ASTN2: variants seen among roughly 807,000 people sequenced by gnomAD.
ASTN2 encodes the protein astrotactin-2.
ASTN2 carries 54 observed loss-of-function variants against 139.8 expected under a neutral mutation model. That is an observed-to-expected ratio of 0.39 (90% CI 0.31 to 0.48). The LOEUF is 0.48. Ranked by LOEUF, ASTN2 falls within the 20% of genes least tolerant of loss-of-function variation. The pLI, the probability that ASTN2 is intolerant of heterozygous loss-of-function variation, is 0.95. For missense variants in ASTN2, 1,565 were observed against 1,725.1 expected, an observed-to-expected ratio of 0.91 and a Z score of 1.64; for synonymous variants, 756 against 719.5, an observed-to-expected ratio of 1.05 and a Z score of -0.81.
At chr9:117,205,102 A>T (rs1831872242) in intron 3 of ASTN2, among the ~76,000 whole-genome samples, 1 of 152,222 alleles carries the variant, frequency 6.6e-6, no homozygotes, top group South Asian at 2.1e-4. Flanking sequence ...GATAAATAAC[A>T]TTTGAGAAGG....
chr9:117,178,463 C>T (rs1830972577), intron 3 of ASTN2, among the ~76,000 whole-genome samples: 1 of 152,132 alleles, frequency 6.6e-6, no homozygotes, highest in Non-Finnish European at 1.5e-5. Flanking sequence ...ATTGGTTTCA[C>T]CCTCAAGCAC....
rs373227100 is a variant in ASTN2, at chr9:116,446,255, GGAGAGAGA to G, written c.3498-3710_3498-3703del. Among the ~76,000 whole-genome samples, 163 of 114,028 alleles carry G rather than the reference GGAGAGAGA, an allele frequency of 1.4e-3. 2 individuals carry two copies. Among genetic ancestry groups the G allele is most frequent in the Admixed American group, 0.012 (125 of 10,280 alleles). The allele number at this position is 114,028 out of a possible 152,430, so 74.8% of individuals were successfully genotyped here. A position where few individuals can be genotyped will look rare whatever the true frequency, so the allele number is the denominator to read the frequency against. On this transcript the variant is annotated intron_variant, in intron 20 of 22. Coordinates refer to ENST00000313400, the MANE Select transcript of ASTN2 (RefSeq NM_001365068.1). ...ACAGAGACAGAGACAGAGGGGAGAG[GGAGAGAGA>G]GAGAGAGATAGAGAGAGAGAGAGAG...
intron 13 of ASTN2, among the ~76,000 whole-genome samples, chr9:116,775,126 A>ACTAT (rs1393778267): frequency 2.0e-5 from 3 of 152,102 alleles, no homozygotes; most frequent in Non-Finnish European, 4.4e-5. Context: ...GTCGGAAAAG[A>ACTAT]CTATCTGTTA....
At chr9:116,703,729 T>TAAAA (rs33973593) in intron 16 of ASTN2, among the ~76,000 whole-genome samples, 14 of 145,746 alleles carry the variant, frequency 9.6e-5, no homozygotes, top group African/African-American at 2.8e-4. Context: ...AGTATAATAA[T>TAAAA]AAAAAAAAAA....
chr9:116,538,763 A>G (rs1851753994), intron 19 of ASTN2, among the ~76,000 whole-genome samples: 1 of 152,238 alleles, frequency 6.6e-6, no homozygotes, highest in African/African-American at 2.4e-5. Flanking sequence ...TCAACCAGGC[A>G]GCAAATATCA....
intron 1 of ASTN2, among the ~76,000 whole-genome samples, chr9:117,389,137 C>G (rs1032453365): frequency 1.3e-5 from 2 of 152,228 alleles, no homozygotes; most frequent in Admixed American, 6.5e-5. Flanking sequence ...GTCTACATCA[C>G]TCTTCCCTTT....
chr9:116,699,009 G>T lies in ASTN2; in HGVS notation c.2806+26762C>A. 1 of 1,613,954 alleles carries T rather than the reference G, an allele frequency of 6.2e-7. No homozygotes were observed. The highest frequency in any genetic ancestry group is 8.5e-7 in the Non-Finnish European group (1 of 1,179,960). Reference sequence around the variant, plus strand: ...TGATAGCTTTGTGCTAAGCTTCCTTGGGGCAGATCTACCCAACCTCACTCC... The same window carrying T: ...TGATAGCTTTGTGCTAAGCTTCCTTTGGGCAGATCTACCCAACCTCACTCC... On this transcript the variant is annotated intron_variant, in intron 16 of 22. Coordinates refer to ENST00000313400, the MANE Select transcript of ASTN2 (RefSeq NM_001365068.1). The surrounding 1 kb of genome is among the most constrained non-coding windows in gnomAD (Gnocchi z 4.2).
intron 5 of ASTN2, among the ~76,000 whole-genome samples, chr9:117,088,823 C>G (rs902599171): frequency 1.6e-4 from 25 of 152,180 alleles, no homozygotes; most frequent in Admixed American, 1.6e-3. Context: ...GAGAGGGAGA[C>G]AGATGCACCC....
chr9:116,476,158 G>A (rs547162964), intron 20 of ASTN2, among the ~76,000 whole-genome samples: 7 of 152,138 alleles, frequency 4.6e-5, no homozygotes, highest in South Asian at 4.1e-4. Context: ...CGGATGGCCC[G>A]AGGTGTTCCT....
intron 16 of ASTN2, among the ~76,000 whole-genome samples, chr9:116,718,495 C>T (rs773846032): frequency 2.0e-5 from 3 of 152,084 alleles, no homozygotes; most frequent in East Asian, 1.9e-4. Flanking sequence ...TAATTTCATG[C>T]GTTAACTTGG....
intron 8 of ASTN2, 132 bp from the exon 9 acceptor site, chr9:116,976,320 T>C (rs968226259): frequency 1.4e-6 from 1 of 700,290 alleles, no homozygotes; most frequent in African/African-American, 1.8e-5. Flanking sequence ...CAAGACTACT[T>C]ATATTATAAA....
At chr9:116,521,794 G>C (rs1174983712) in intron 19 of ASTN2, among the ~76,000 whole-genome samples, 2 of 128,866 alleles carry the variant, frequency 1.6e-5, no homozygotes, top group Non-Finnish European at 3.2e-5. Flanking sequence ...AAGGAACTCA[G>C]ACTAATCAGC....
chr9:116,515,341 T>C (rs1451599852), intron 19 of ASTN2, among the ~76,000 whole-genome samples: 2 of 152,182 alleles, frequency 1.3e-5, no homozygotes, highest in African/African-American at 4.8e-5. Flanking sequence ...ACGTGAGATC[T>C]AGATGTGAGG....
intron 11 of ASTN2, among the ~76,000 whole-genome samples, chr9:116,843,187 C>T (rs1402886615): frequency 6.6e-6 from 1 of 152,196 alleles, no homozygotes; most frequent in Non-Finnish European, 1.5e-5. Flanking sequence ...ATGGACTCAA[C>T]CTGTGCCCAT....
intron 2 of ASTN2, among the ~76,000 whole-genome samples, chr9:117,280,402 C>A (rs1279559560): frequency 2.0e-5 from 3 of 152,098 alleles, no homozygotes; most frequent in Non-Finnish European, 4.4e-5. Flanking sequence ...AGGGTCTTTG[C>A]AGATGTAATT....
chr9:116,722,897 G>A lies in ASTN2; in HGVS notation c.2806+2874C>T, dbSNP rs533245771. ...AATGAGGGTAGAGGCTGGGCGCTGT[G>A]GCTTACGCCTGTAATCTCAGCACTT... On this transcript the variant is annotated intron_variant, in intron 16 of 22. Transcript: ENST00000313400. Among the ~76,000 whole-genome samples, 7 of 152,290 alleles carry A rather than the reference G, an allele frequency of 4.6e-5. No homozygotes were observed. In the South Asian group the frequency reaches 1.5e-3, roughly 32 times the overall value.
intron 1 of ASTN2, among the ~76,000 whole-genome samples, chr9:117,298,734 A>G (rs34407987): frequency 0.18 from 22,300 of 126,380 alleles, 1,688 homozygotes; most frequent in African/African-American, 0.24. Context: ...GTGTGTGTGT[A>G]TATATATATA....
rs768504959 is a variant in ASTN2 at position 116,729,014 on chromosome 9, G to A, written c.2604C>T (p.Leu868=). 7 of 1,585,602 alleles carry A rather than the reference G, an allele frequency of 4.4e-6. No homozygotes were observed. The highest frequency in any genetic ancestry group is 6.0e-6 in the Non-Finnish European group (7 of 1,164,758). ...RVRSNLYRVK[L]STITLAAGFT... ...CACCTGCTGCGAGGGTGATGGTGCTGAGCTTCACACGGTAGAGGTTGCTCC... is the reference window on the plus strand; with the variant it reads ...CACCTGCTGCGAGGGTGATGGTGCTAAGCTTCACACGGTAGAGGTTGCTCC... The change falls in exon 15 of 23, where the codon CTC becomes CTT. Residue 868 remains leucine (L), a synonymous_variant. Coordinates refer to ENST00000313400, the MANE Select transcript of ASTN2 (RefSeq NM_001365068.1).
At chr9:117,239,789 T>C (rs1189098393) in intron 2 of ASTN2, among the ~76,000 whole-genome samples, 3 of 152,246 alleles carry the variant, frequency 2.0e-5, no homozygotes, top group Non-Finnish European at 4.4e-5. Context: ...TCATTCCATA[T>C]GCCAGGCTCA....
Sources: allele counts gnomAD v4.1 joint callset (sites outside exome capture counted in the v4.1 genomes callset), GRCh38; gene constraint gnomAD v4.1.1; non-coding constraint Gnocchi (gnomAD v3.1); transcripts MANE v1.5; gene names NCBI Gene and HGNC (gene_info 2026-07-23, HGNC 2026-07-21).